EDA: variants seen among roughly 807,000 people sequenced by gnomAD.
EDA encodes ectodysplasin-A.
A neutral mutation model predicts 23.6 loss-of-function variants in EDA; 2 were observed. That is an observed-to-expected ratio of 0.08 (90% CI 0.03 to 0.27). The LOEUF is 0.27. Among genes scored for constraint, EDA ranks in the 10% least tolerant of loss-of-function variants. The pLI is 1.00. For synonymous variants in EDA, 131 were observed against 132.0 expected (o/e 0.99, Z 0.05); for missense variants, 229 against 324.2 (o/e 0.71, Z 2.26).
chrX:69,665,719 ATAAAT>A (rs1326594869), intron 1 of EDA, among the ~76,000 whole-genome samples: 2 of 111,560 alleles, frequency 1.8e-5, no homozygotes, highest in East Asian at 5.6e-4. Context: ...TTGTAATATA[ATAAAT>A]TATATAATAT....
chrX:69,687,482 T>G, intron 1 of EDA: 1 of 111,718 alleles, frequency 9.0e-6, no homozygotes, highest in East Asian at 2.8e-4. Context: ...CTTCTTTACT[T>G]TCTTTCAACA....
At chrX:69,929,980 C>T (rs1221997030) in intron 1 of EDA, among the ~76,000 whole-genome samples, 2 of 109,732 alleles carry the variant, frequency 1.8e-5, no homozygotes, top group Admixed American at 2.0e-4. Flanking sequence ...CTTCTGTACC[C>T]CAAGCAGAGT....
At chrX:69,996,800 C>T (rs1050227367) in intron 2 of EDA, among the ~76,000 whole-genome samples, 2 of 111,596 alleles carry the variant, frequency 1.8e-5, no homozygotes, top group African/African-American at 6.5e-5. Flanking sequence ...GGAGCAGTTT[C>T]CCCCATACTG....
intron 1 of EDA, among the ~76,000 whole-genome samples, chrX:69,802,854 C>T (rs2015725700): frequency 8.9e-6 from 1 of 112,034 alleles, no homozygotes; most frequent in Non-Finnish European, 1.9e-5. Context: ...GTAAAACTTA[C>T]AATGTCAAAA....
intron 2 of EDA, among the ~76,000 whole-genome samples, chrX:69,959,956 A>C (rs1175813777): frequency 8.9e-6 from 1 of 111,815 alleles, no homozygotes; most frequent in East Asian, 2.8e-4. Context: ...CAGAGTAAGA[A>C]GAGGAAGAGG....
intron 2 of EDA, among the ~76,000 whole-genome samples, chrX:69,978,530 A>AAAAAAAG (rs1220301861): frequency 9.4e-6 from 1 of 106,945 alleles, no homozygotes; most frequent in Non-Finnish European, 1.9e-5. Context: ...AGAAAGAAAG[A>AAAAAAAG]AAAAAAGCAG....
At chrX:69,894,387 G>T (rs906980802) in intron 1 of EDA, among the ~76,000 whole-genome samples, 1 of 111,381 alleles carries the variant, frequency 9.0e-6, no homozygotes, top group African/African-American at 3.3e-5. Flanking sequence ...TTGGCTATTC[G>T]AGCTCCTTTT....
intron 1 of EDA, among the ~76,000 whole-genome samples, chrX:69,893,270 T>A (rs2017960137): frequency 9.0e-6 from 1 of 111,644 alleles, no homozygotes; most frequent in Non-Finnish European, 1.9e-5. Context: ...GTCTTTGGAT[T>A]TGGGGCCCAC....
intron 1 of EDA, among the ~76,000 whole-genome samples, chrX:69,740,069 C>T (rs1251012141): frequency 9.0e-6 from 1 of 111,198 alleles, no homozygotes; most frequent in African/African-American, 3.3e-5. Flanking sequence ...TCTCACCCAC[C>T]TGTGTGGTGC....
At chrX:69,645,596 G>GTATATATATA (rs1468818816) in intron 1 of EDA, among the ~76,000 whole-genome samples, 56 of 29,305 alleles carry the variant, frequency 1.9e-3, no homozygotes, top group Middle Eastern at 9.4e-3. Flanking sequence ...ATATATATGT[G>GTATATATATA]TGTGTGTATA....
Position 69,806,686 on chromosome X carries a change from C to T in EDA, c.397-150341C>T, listed in dbSNP as rs756721312. 3.6e-5 allele frequency among the ~76,000 whole-genome samples: 4 copies of T among 110,752 alleles called. 1 individual carries two copies. The South Asian group carries it at 1.5e-3, about 43-fold the overall frequency. ...ATGAAAACATGATATCGTACCTTGA[C>T]TCACATGACAATGAAGAGGGCTTAG... On this transcript the variant is annotated intron_variant, in intron 1 of 7. Transcript: ENST00000374552.
At chrX:69,967,207 CAAAG>C (rs1387291518) in intron 2 of EDA, among the ~76,000 whole-genome samples, 1 of 110,455 alleles carries the variant, frequency 9.1e-6, no homozygotes, top group African/African-American at 3.3e-5. Flanking sequence ...ATAATGAAGA[CAAAG>C]AAGGGAGGAG....
chrX:69,786,927 A>C (rs749298068), intron 1 of EDA, among the ~76,000 whole-genome samples: 1 of 102,213 alleles, frequency 9.8e-6, no homozygotes, highest in African/African-American at 3.4e-5. Context: ...TGGGAGTCTA[A>C]GTCTCTTTGT....
At chrX:69,773,647 G>T (rs1304622727) in intron 1 of EDA, among the ~76,000 whole-genome samples, 1 of 110,418 alleles carries the variant, frequency 9.1e-6, no homozygotes, top group East Asian at 2.8e-4. Context: ...ATCTTATTGT[G>T]GTTTTTATTT....
intron 2 of EDA, among the ~76,000 whole-genome samples, chrX:69,969,963 A>C (rs1403272422): frequency 2.7e-5 from 3 of 110,785 alleles, no homozygotes; most frequent in African/African-American, 9.9e-5. Context: ...TTAATTGGCC[A>C]AGCTGGGTGG....
At chrX:69,831,388 A>G (rs951556950) in intron 1 of EDA, among the ~76,000 whole-genome samples, 1 of 112,437 alleles carries the variant, frequency 8.9e-6, no homozygotes, top group Non-Finnish European at 1.9e-5. Context: ...ATTTGAACTC[A>G]TCCATTTTTT....
chrX:69,771,286 T>C (rs1029517438), intron 1 of EDA, among the ~76,000 whole-genome samples: 2 of 110,670 alleles, frequency 1.8e-5, no homozygotes, highest in Non-Finnish European at 3.8e-5. Context: ...TCTCGATCTC[T>C]TGACCCCGTG....
At chrX:69,940,693 G>C (rs920650435) in intron 1 of EDA, among the ~76,000 whole-genome samples, 4 of 110,960 alleles carry the variant, frequency 3.6e-5, no homozygotes, top group African/African-American at 1.3e-4. Flanking sequence ...TGAGTTACAG[G>C]AGGTATTTTG....
At chrX:69,921,440 T>G (rs761293938) in intron 1 of EDA, among the ~76,000 whole-genome samples, 22 of 111,262 alleles carry the variant, frequency 2.0e-4, no homozygotes, top group African/African-American at 6.5e-4. Context: ...CATGAGTTCA[T>G]ACTGATGTCC....
Sources: allele counts gnomAD v4.1 joint callset (sites outside exome capture counted in the v4.1 genomes callset), GRCh38; gene constraint gnomAD v4.1.1; transcripts MANE v1.5; gene names NCBI Gene and HGNC (gene_info 2026-07-23, HGNC 2026-07-21).